Variants in SVOP observed in about 807,000 individuals in gnomAD.
SVOP encodes synaptic vesicle 2-related protein.
Under a neutral mutation model 69.1 loss-of-function variants are expected in SVOP, and 17 were observed. That is an observed-to-expected ratio of 0.25 (90% CI 0.17 to 0.37). SVOP has a LOEUF of 0.37. Among genes scored for constraint, SVOP ranks in the 10% least tolerant of loss-of-function variants. The pLI is 1.00. For missense variants in SVOP, 435 were observed against 597.5 expected (o/e 0.73, Z 2.84); for synonymous variants, 238 against 238.6 (o/e 1.00, Z 0.02).
At chr12:108,980,535 G>A (rs1209291649) in intron 2 of SVOP, among the ~76,000 whole-genome samples, 7 of 151,866 alleles carry the variant, frequency 4.6e-5, no homozygotes, top group Admixed American at 3.9e-4. Context: ...GATCACCTGA[G>A]GCCAGGAGTT....
chr12:109,011,509 A>G (rs895769439), intron 1 of SVOP, among the ~76,000 whole-genome samples: 1 of 152,188 alleles, frequency 6.6e-6, no homozygotes, highest in Non-Finnish European at 1.5e-5. Context: ...GGGAGCCAGC[A>G]GGAAGTCTCA....
intron 5 of SVOP, among the ~76,000 whole-genome samples, chr12:108,966,388 A>G (rs1237200259): frequency 6.6e-6 from 1 of 152,238 alleles, no homozygotes; most frequent in African/African-American, 2.4e-5. Context: ...CCCAGGTGGT[A>G]GAAACTTCTG....
At chr12:109,011,204 A>G (rs528973886) in intron 1 of SVOP, among the ~76,000 whole-genome samples, 1 of 152,200 alleles carries the variant, frequency 6.6e-6, no homozygotes, top group Admixed American at 6.5e-5. Context: ...GACGAGGGCC[A>G]CTGCACTATC....
chr12:108,913,658 C>A (rs542050073), intron 15 of SVOP, among the ~76,000 whole-genome samples: 3 of 152,064 alleles, frequency 2.0e-5, no homozygotes, highest in Admixed American at 2.0e-4. Flanking sequence ...GTCCCATTTT[C>A]TTTTCTTTTG....
Position 108,912,454 on chromosome 12 carries a change from T to A in SVOP, c.*81A>T. On this transcript the variant is annotated 3_prime_UTR_variant, in exon 16 of 16. Transcript: ENST00000610966. ...TTGGGTGAGTTCTTGATGTCGGCAG[T>A]GACAATCAGTGCCCCAGTTGGGGCC... The A allele has an allele frequency of 6.3e-7, 1 of 1,593,988 alleles. No homozygotes were observed. The highest frequency in any genetic ancestry group is 1.1e-5 in the South Asian group (1 of 88,988).
At chr12:108,922,651 G>T in intron 12 of SVOP, 39 bp downstream of exon 12, 1 of 1,481,804 alleles carries the variant, frequency 6.7e-7, no homozygotes, top group Non-Finnish European at 9.3e-7. Flanking sequence ...ATATTCCCAG[G>T]CTTGCCTGAC....
At chr12:108,991,083 G>A (rs976856173) in intron 1 of SVOP, among the ~76,000 whole-genome samples, 14 of 152,280 alleles carry the variant, frequency 9.2e-5, no homozygotes, top group Admixed American at 2.6e-4. Flanking sequence ...TGAGCTGGGC[G>A]TCTACAACTC....
intron 1 of SVOP, among the ~76,000 whole-genome samples, chr12:109,004,008 T>G (rs1357743772): frequency 1.3e-5 from 2 of 152,086 alleles, no homozygotes; most frequent in Non-Finnish European, 2.9e-5. Flanking sequence ...GAAACAGAAA[T>G]AAAGAGGGAC....
At chr12:108,927,369 T>C (rs2039786588) in intron 11 of SVOP, among the ~76,000 whole-genome samples, 1 of 152,200 alleles carries the variant, frequency 6.6e-6, no homozygotes, top group Non-Finnish European at 1.5e-5. Context: ...TTAATTGAAG[T>C]CTGTCATGTA....
intron 1 of SVOP, among the ~76,000 whole-genome samples, chr12:109,005,597 G>A (rs1051530655): frequency 3.3e-5 from 5 of 152,186 alleles, no homozygotes; most frequent in African/African-American, 1.2e-4. Flanking sequence ...AATATATCTT[G>A]AGGAGGAAGC....
chr12:108,958,232 G>T (rs2039996515), intron 6 of SVOP, among the ~76,000 whole-genome samples: 1 of 151,704 alleles, frequency 6.6e-6, no homozygotes. Flanking sequence ...TCAGACTCCT[G>T]GGCTCAAGGG....
chr12:108,928,140 G>A (rs1210083916), intron 11 of SVOP, among the ~76,000 whole-genome samples: 3 of 151,980 alleles, frequency 2.0e-5, no homozygotes, highest in African/African-American at 7.3e-5. Flanking sequence ...CTGACCTCAA[G>A]TGGTCCACCT....
rs2040394206 is a variant in SVOP at position 109,020,876 on chromosome 12, C to G, written c.-8G>C. The G allele has an allele frequency of 1.4e-6, 1 of 717,814 alleles. No individual in the cohort carries two copies. The highest frequency in any genetic ancestry group is 1.7e-5 in the African/African-American group (1 of 57,258). The allele number at this position is 717,814 out of a possible 1,614,324, so 44.5% of individuals were successfully genotyped here. A position where few individuals can be genotyped will look rare whatever the true frequency, so the allele number is the denominator to read the frequency against. On this transcript the variant is annotated 5_prime_UTR_variant, in exon 1 of 16. Transcript: ENST00000610966. Reference sequence around the variant, plus strand: ...GAATAAGTCCTCCTCCATGTCCGCGCTGCGCCAGGATGAGCCCTTCTCATG... The same window carrying G: ...GAATAAGTCCTCCTCCATGTCCGCGGTGCGCCAGGATGAGCCCTTCTCATG...
At chr12:108,933,264 C>A (rs1342164960) in intron 11 of SVOP, among the ~76,000 whole-genome samples, 1 of 152,148 alleles carries the variant, frequency 6.6e-6, no homozygotes, top group Non-Finnish European at 1.5e-5. Flanking sequence ...GTAGTCCCAG[C>A]TACTTTGGGG....
At chr12:108,994,275 T>C (rs989879591) in intron 1 of SVOP, among the ~76,000 whole-genome samples, 3 of 151,760 alleles carry the variant, frequency 2.0e-5, no homozygotes, top group African/African-American at 7.3e-5. Flanking sequence ...GAGCAGATCA[T>C]TTGAGGTCAG....
intron 11 of SVOP, among the ~76,000 whole-genome samples, chr12:108,932,753 G>A (rs1170981749): frequency 2.0e-5 from 3 of 151,942 alleles, no homozygotes; most frequent in African/African-American, 4.8e-5. Context: ...AACAAAGATC[G>A]TAAGACCGAC....
At chr12:108,929,916 A>ACCAAAT (rs2039805228) in intron 11 of SVOP, among the ~76,000 whole-genome samples, 3 of 152,334 alleles carry the variant, frequency 2.0e-5, no homozygotes, top group African/African-American at 7.2e-5. Flanking sequence ...AAAGTGACAC[A>ACCAAAT]GGTACTTGGT....
chr12:108,945,071 G>A (rs1304191035), intron 7 of SVOP, 32 bp downstream of exon 7: 2 of 1,534,004 alleles, frequency 1.3e-6, no homozygotes, highest in East Asian at 2.4e-5. Context: ...GAATCCACAT[G>A]CTCTAGAGAC....
chr12:108,937,265 A>C lies in SVOP; in HGVS notation c.970T>G (p.Trp324Gly), dbSNP rs773860750. Reference sequence around the variant, plus strand: ...AAGTGGTCAACAAACAGCTCTTACCATATAAACCACAGCAGCAAAGTTGTC... The same window carrying C: ...AAGTGGTCAACAAACAGCTCTTACCCTATAAACCACAGCAGCAAAGTTGTC... The part of the protein sequence containing the change: ...RWTTLLLWFI[W>G]FSNAFSYYGL... The change falls in exon 10 of 16, where the codon TGG (tryptophan) becomes GGG (glycine). Residue 324 changes from tryptophan (W) to glycine (G), a missense_variant and splice_region_variant. Transcript: ENST00000610966. The C allele has an allele frequency of 6.2e-7, 1 of 1,614,010 alleles. No individual in the cohort carries two copies. Among genetic ancestry groups the C allele is most frequent in the Admixed American group, 1.7e-5 (1 of 60,020 alleles).
Sources: allele counts gnomAD v4.1 joint callset (sites outside exome capture counted in the v4.1 genomes callset), GRCh38; gene constraint gnomAD v4.1.1; transcripts MANE v1.5; gene names NCBI Gene and HGNC (gene_info 2026-07-23, HGNC 2026-07-21).